TPM4: variants seen among roughly 807,000 people sequenced by gnomAD.
The protein encoded by TPM4 is tropomyosin alpha-4 chain.
In TPM4, 17 loss-of-function variants were observed where a neutral mutation model predicts 35.8. The ratio of observed to expected loss-of-function variants is 0.47; its 90% confidence interval spans 0.32 to 0.71. The LOEUF (loss-of-function observed/expected upper bound fraction) is 0.71. Ranked by LOEUF, TPM4 falls within the 30% of genes least tolerant of loss-of-function variation. The pLI, the probability that TPM4 is intolerant of heterozygous loss-of-function variation, is 0.03. For synonymous variants in TPM4, 120 were observed against 122.9 expected (o/e 0.98, Z 0.15); for missense variants, 240 against 320.9 (o/e 0.75, Z 1.93).
intron 7 of TPM4, chr19:16,100,297 C>T (rs1192976909): frequency 6.6e-6 from 1 of 152,182 alleles, no homozygotes; most frequent in Non-Finnish European, 1.5e-5. Context: ...AGGACACCAA[C>T]TTAAATCTGA....
At chr19:16,085,399 A>G (rs1461295036) in intron 2 of TPM4, among the ~76,000 whole-genome samples, 1 of 152,058 alleles carries the variant, frequency 6.6e-6, no homozygotes, top group Non-Finnish European at 1.5e-5. Context: ...CCACCTCCAC[A>G]AAAAATTTTT....
intron 2 of TPM4, among the ~76,000 whole-genome samples, chr19:16,085,663 T>G (rs993135448): frequency 6.6e-6 from 1 of 152,210 alleles, no homozygotes. Context: ...TAACCTTAAG[T>G]TACTTACCCT....
In TPM4 at chr19:16,076,715, G is replaced by T. The variant is rs990658517; in HGVS notation, c.132+18G>T. ...GCGAGAAAGTGAGCGCCCCGGCCTC[G>T]GGCCCCGCACCCGCAGCCTCCTCCC... On this transcript the variant is annotated intron_variant, in intron 1 of 7. Transcript: ENST00000643579. The T allele has an allele frequency of 4.5e-6, 6 of 1,321,818 alleles. No individual in the cohort carries two copies. The highest frequency in any genetic ancestry group is 8.2e-5 in the Admixed American group (2 of 24,456). 81.9% of individuals were successfully genotyped at this position (1,321,818 alleles called of 1,614,324 possible). A position where few individuals can be genotyped will look rare whatever the true frequency, so the allele number is the denominator to read the frequency against.
At chr19:16,089,181 G>A (rs1029083075) in intron 5 of TPM4, 61 bp downstream of exon 5, 1 of 1,604,332 alleles carries the variant, frequency 6.2e-7, no homozygotes, top group Admixed American at 1.7e-5. Flanking sequence ...CTTCTCCCGA[G>A]GGATGCAGGA....
At chr19:16,076,799 G>A in intron 1 of TPM4, 102 bp downstream of exon 1, 1 of 1,268,202 alleles carries the variant, frequency 7.9e-7, no homozygotes, top group Non-Finnish European at 9.9e-7. Context: ...CAGTCCTCGG[G>A]CCGCCTTTTT....
chr19:16,068,467 C>T (rs1483277419), intron 2 of TPM4, among the ~76,000 whole-genome samples: 2 of 151,964 alleles, frequency 1.3e-5, no homozygotes, highest in African/African-American at 2.4e-5. Flanking sequence ...TGAGCCACTG[C>T]GCCCGGCCAT....
intron 2 of TPM4, among the ~76,000 whole-genome samples, chr19:16,085,406 T>G (rs1259270619): frequency 6.6e-6 from 1 of 151,840 alleles, no homozygotes; most frequent in Non-Finnish European, 1.5e-5. Context: ...CACAAAAAAT[T>G]TTTTTTTAGT....
chr19:16,073,616 T>C (rs144040461), upstream of TPM4, among the ~76,000 whole-genome samples: 543 of 152,172 alleles, frequency 3.6e-3, 3 homozygotes, highest in Non-Finnish European at 3.0e-3. Flanking sequence ...CTGGCCACCC[T>C]GGATTGGGCC....
At chr19:16,093,149 C>T (rs908586121) in intron 5 of TPM4, 4 of 193,658 alleles carry the variant, frequency 2.1e-5, no homozygotes, top group Admixed American at 5.4e-5. Context: ...GCCACCACAC[C>T]CAGCCCTCCT....
At chr19:16,098,668 C>A (rs1462699732) in intron 7 of TPM4, among the ~76,000 whole-genome samples, 4 of 151,946 alleles carry the variant, frequency 2.6e-5, no homozygotes, top group Non-Finnish European at 4.4e-5. Context: ...AGGCCTGGCG[C>A]AGTGGCTCAC....
At chr19:16,095,714 C>A (rs938971294) in intron 7 of TPM4, 49 of 460,492 alleles carry the variant, frequency 1.1e-4, no homozygotes, top group Non-Finnish European at 1.3e-4. Flanking sequence ...TCTCAGATAC[C>A]GCTGTTAGCT....
At chr19:16,072,062 C>T (rs1488402543), upstream of TPM4, among the ~76,000 whole-genome samples, 2 of 152,218 alleles carry the variant, frequency 1.3e-5, no homozygotes, top group African/African-American at 2.4e-5. Context: ...CCTCGTGATC[C>T]GCCCGCCTCG....
chr19:16,078,143 G>A (rs181593942), intron 1 of TPM4: 126 of 398,658 alleles, frequency 3.2e-4, no homozygotes, highest in African/African-American at 2.4e-3. Context: ...CTCACTGATG[G>A]AGCGAGGTCT....
intron 1 of TPM4, among the ~76,000 whole-genome samples, chr19:16,079,237 G>T (rs1347869102): frequency 6.6e-6 from 1 of 152,136 alleles, no homozygotes; most frequent in Non-Finnish European, 1.5e-5. Context: ...CATGAATCAA[G>T]CACCTCTGTT....
chr19:16,075,922 G>A (rs1599361630), upstream of TPM4: 3 of 1,372,520 alleles, frequency 2.2e-6, no homozygotes, highest in South Asian at 4.5e-5. Flanking sequence ...CTGTTCTACA[G>A]ATAAGGAAAC....
chr19:16,082,284 G>A (rs754225007), intron 2 of TPM4, among the ~76,000 whole-genome samples: 1 of 151,710 alleles, frequency 6.6e-6, no homozygotes, highest in East Asian at 2.0e-4. Context: ...CAAGGCGGAC[G>A]GATCACCTGA....
At chr19:16,076,889 C>G (rs2090414971) in intron 1 of TPM4, 192 bp downstream of exon 1, 2 of 1,198,520 alleles carry the variant, frequency 1.7e-6, no homozygotes, top group Non-Finnish European at 2.1e-6. Context: ...GTCCTCCTTC[C>G]TGGGCCTGGG....
chr19:16,086,055 C>A (rs1038292543), intron 2 of TPM4, among the ~76,000 whole-genome samples: 5 of 128,156 alleles, frequency 3.9e-5, no homozygotes, highest in Non-Finnish European at 6.3e-5. Flanking sequence ...GGTGACAGAG[C>A]GAGACTCCAT....
At chr19:16,082,186 C>G (rs964886542) in intron 2 of TPM4, 140 bp downstream of exon 2, 16 of 1,180,306 alleles carry the variant, frequency 1.4e-5, no homozygotes, top group Non-Finnish European at 1.7e-5. Flanking sequence ...CATGACAGCA[C>G]TTTGTAAACC....
Sources: gnomAD v4.1 joint callset for allele counts (sites outside exome capture counted in the v4.1 genomes callset) on GRCh38, gnomAD v4.1.1 for gene constraint, MANE v1.5 for transcripts, NCBI Gene and HGNC (gene_info 2026-07-23, HGNC 2026-07-21) for gene names.